Variants in ANTXR2 observed in about 807,000 individuals in gnomAD.
ANTXR2 encodes the protein ANTXR cell adhesion molecule 2.
ANTXR2 carries 44 observed loss-of-function variants against 73.7 expected under a neutral mutation model. That is an observed-to-expected ratio of 0.60 (90% CI 0.47 to 0.77). ANTXR2 has a LOEUF of 0.77. Among genes scored for constraint, ANTXR2 ranks in the 30% least tolerant of loss-of-function variants. ANTXR2 has a pLI of 0.00. For synonymous variants in ANTXR2, 217 were observed against 205.9 expected, an observed-to-expected ratio of 1.05 and a Z score of -0.46; for missense variants, 604 against 592.5, an observed-to-expected ratio of 1.02 and a Z score of -0.20.
chr4:79,925,127 T>C (rs1026595983), intron 16 of ANTXR2, among the ~76,000 whole-genome samples: 1 of 152,130 alleles, frequency 6.6e-6, no homozygotes, highest in African/African-American at 2.4e-5. Context: ...GAATAAAATA[T>C]TCTTGTGCTG....
At position 79,907,418 on chromosome 4, in the gene ANTXR2, C is replaced by G; in HGVS notation, c.*11G>C. On this transcript the variant is annotated 3_prime_UTR_variant, in exon 17 of 17. Coordinates refer to ENST00000403729, the MANE Select transcript of ANTXR2 (RefSeq NM_058172.6). Reference sequence around the variant, plus strand: ...CCATCTTCGTACCTTCTTGGTCTTCCTGCTTCCCTTTTACTGAGATGGAAC... The same window carrying G: ...CCATCTTCGTACCTTCTTGGTCTTCGTGCTTCCCTTTTACTGAGATGGAAC... 6.2e-7 allele frequency: 1 copy of G among 1,611,750 alleles called. No homozygotes were observed. The highest frequency in any genetic ancestry group is 1.3e-5 in the African/African-American group (1 of 74,874).
intron 12 of ANTXR2, among the ~76,000 whole-genome samples, chr4:79,991,471 G>A (rs1578136630): frequency 6.6e-6 from 1 of 152,236 alleles, no homozygotes; most frequent in East Asian, 1.9e-4. Context: ...TAGCAAGGCT[G>A]TAGAGAAAGG....
At chr4:79,929,468 C>T (rs1241187633) in intron 16 of ANTXR2, among the ~76,000 whole-genome samples, 6 of 152,054 alleles carry the variant, frequency 3.9e-5, no homozygotes, top group Non-Finnish European at 5.9e-5. Context: ...GCCAAAATTG[C>T]GCCACTGCAC....
intron 10 of ANTXR2, among the ~76,000 whole-genome samples, chr4:80,020,479 T>C (rs1406014783): frequency 2.0e-5 from 3 of 152,228 alleles, no homozygotes; most frequent in Non-Finnish European, 4.4e-5. Context: ...ATTCAGTTCT[T>C]ACTATTGCCA....
chr4:79,996,318 T>TATGGATGG (rs141810972), intron 12 of ANTXR2, among the ~76,000 whole-genome samples: 71,385 of 148,700 alleles, frequency 0.48, 19,927 homozygotes, highest in East Asian at 0.85. Context: ...CGGATGGATA[T>TATGGATGG]ATGGATGGAT....
At chr4:79,931,446 TTCTTCTCTC>T (rs113779282) in intron 16 of ANTXR2, among the ~76,000 whole-genome samples, 9,762 of 127,168 alleles carry the variant, frequency 0.077, 1,020 homozygotes, top group African/African-American at 0.25. Context: ...ATTTCCTCGC[TTCTTCTCTC>T]TCTCTCTCTC....
At position 80,072,557 on chromosome 4, in the gene ANTXR2, C is replaced by T. The variant is rs1417443894; in HGVS notation, c.4G>A (p.Val2Met). 2.6e-6 allele frequency: 4 copies of T among 1,555,146 alleles called. No homozygotes were observed. Among genetic ancestry groups the T allele is most frequent in the Non-Finnish European group, 3.5e-6 (4 of 1,153,092 alleles). The change falls in exon 1 of 17, where the codon GTG (valine) becomes ATG (methionine). Residue 2 changes from valine (V) to methionine (M), a missense_variant. Physicochemically the swap from Val to Met is conservative, Grantham distance 21. Transcript: ENST00000403729. ...CTGCGGGCCGGGGACCGCTCCGCCA[C>T]CATCCTGCGGCCGGGGGCCTGAGAC... M[V>M]AERSPARSPG...
intron 12 of ANTXR2, among the ~76,000 whole-genome samples, chr4:79,992,086 G>A (rs1730496656): frequency 6.6e-6 from 1 of 151,878 alleles, no homozygotes; most frequent in Non-Finnish European, 1.5e-5. Context: ...TAACAATCCT[G>A]TACATGTACC....
chr4:79,904,324 T>C lies in ANTXR2; in HGVS notation c.*3105A>G, dbSNP rs982853737. On this transcript the variant is annotated 3_prime_UTR_variant, in exon 17 of 17. Transcript: ENST00000403729. Reference sequence around the variant, plus strand: ...TCTTTCTCTAACAATCTGAAATACATGGGGGTTTAAACCTTCTATATTTTT... The same window carrying C: ...TCTTTCTCTAACAATCTGAAATACACGGGGGTTTAAACCTTCTATATTTTT... 3.9e-5 allele frequency: 6 copies of C among 152,074 alleles called. No individual in the cohort carries two copies. The highest frequency in any genetic ancestry group is 7.2e-5 in the African/African-American group (3 of 41,432). The allele number at this position is 152,074 out of a possible 1,614,324, so 9.4% of individuals were successfully genotyped here. A position where few individuals can be genotyped will look rare whatever the true frequency, so the allele number is the denominator to read the frequency against.
intron 12 of ANTXR2, among the ~76,000 whole-genome samples, chr4:79,996,654 A>G (rs1730744327): frequency 6.6e-6 from 1 of 152,136 alleles, no homozygotes; most frequent in East Asian, 1.9e-4. Context: ...TCTGTGTTCA[A>G]CTGACATTCC....
At chr4:79,918,832 A>G (rs1167294547) in intron 16 of ANTXR2, among the ~76,000 whole-genome samples, 3 of 152,096 alleles carry the variant, frequency 2.0e-5, no homozygotes, top group Admixed American at 6.6e-5. Flanking sequence ...CTATTACTTA[A>G]AGGAATAAAT....
At chr4:79,937,712 C>T (rs1054287673) in intron 16 of ANTXR2, among the ~76,000 whole-genome samples, 1 of 151,548 alleles carries the variant, frequency 6.6e-6, no homozygotes, top group Non-Finnish European at 1.5e-5. Flanking sequence ...TTAAAACCCC[C>T]TAAGAGAGGA....
rs189628874 is a variant in ANTXR2 at position 80,025,017 on chromosome 4, A to C, written c.867-6041T>G. 6.6e-5 allele frequency among the ~76,000 whole-genome samples: 10 copies of C among 152,334 alleles called. 1 individual carries two copies. Among genetic ancestry groups the C allele is most frequent in the Admixed American group, 5.2e-4 (8 of 15,308 alleles). On this transcript the variant is annotated intron_variant, in intron 10 of 16. Coordinates refer to ENST00000403729, the MANE Select transcript of ANTXR2 (RefSeq NM_058172.6). ...TTTAATATTTCTTAACAAATATCTT[A>C]ATCCATGCTTTGCTCCATCATTAAA...
chr4:80,017,462 C>T (rs549778485), intron 11 of ANTXR2, among the ~76,000 whole-genome samples: 3 of 152,286 alleles, frequency 2.0e-5, no homozygotes, highest in Middle Eastern at 6.8e-3. Context: ...TCTGAAATCT[C>T]CCCACTCTTA....
chr4:80,061,763 A>G lies in ANTXR2; in HGVS notation c.297-5750T>C, dbSNP rs138840178. ...ATGTAATATATAGTAACTGCTCAGT[A>G]AACTTTGATACTTTTATTGTCTCCT... is the stretch of plus-strand genomic sequence containing the variant. On this transcript the variant is annotated intron_variant, in intron 3 of 16. Transcript: ENST00000403729. Among the ~76,000 whole-genome samples, 650 of 152,298 alleles carry G rather than the reference A, an allele frequency of 4.3e-3. 3 individuals carry two copies. The highest frequency in any genetic ancestry group is 0.015 in the African/African-American group (608 of 41,580).
intron 10 of ANTXR2, among the ~76,000 whole-genome samples, chr4:80,019,343 G>A (rs1309187248): frequency 6.6e-6 from 1 of 152,132 alleles, no homozygotes; most frequent in East Asian, 1.9e-4. Context: ...CTCCAGCCCG[G>A]GCCGACAACA....
intron 3 of ANTXR2, among the ~76,000 whole-genome samples, chr4:80,059,650 G>A (rs1734151475): frequency 6.6e-6 from 1 of 152,070 alleles, no homozygotes; most frequent in Non-Finnish European, 1.5e-5. Context: ...CAGCCACTAT[G>A]CCCAGGCTTG....
intron 3 of ANTXR2, among the ~76,000 whole-genome samples, chr4:80,064,746 T>C (rs367860533): frequency 2.4e-4 from 37 of 152,232 alleles, no homozygotes; most frequent in African/African-American, 8.2e-4. Flanking sequence ...AAGGTCCTAA[T>C]GTGGAAACAA....
At chr4:80,001,978 T>C (rs897995716) in intron 12 of ANTXR2, among the ~76,000 whole-genome samples, 3 of 152,058 alleles carry the variant, frequency 2.0e-5, no homozygotes, top group African/African-American at 4.8e-5. Flanking sequence ...AAAATGGCCA[T>C]ACTGCCCAAG....
Sources: gnomAD v4.1 joint callset for allele counts (sites outside exome capture counted in the v4.1 genomes callset) on GRCh38, gnomAD v4.1.1 for gene constraint, MANE v1.5 for transcripts, NCBI Gene and HGNC (gene_info 2026-07-23, HGNC 2026-07-21) for gene names.